Variants in SNTG1 observed in about 807,000 individuals in gnomAD.
The protein encoded by SNTG1 is gamma-1-syntrophin.
SNTG1 carries 39 observed loss-of-function variants against 74.7 expected under a neutral mutation model. That is an observed-to-expected ratio of 0.52 (90% CI 0.40 to 0.68). The LOEUF (loss-of-function observed/expected upper bound fraction) is 0.68, where lower values mean the gene tolerates loss of function less well. SNTG1 is among the 30% of genes least tolerant of loss of function. SNTG1 has a pLI of 0.00. For missense variants in SNTG1, 685 were observed against 609.5 expected (o/e 1.12, Z -1.30); for synonymous variants, 254 against 217.1 (o/e 1.17, Z -1.49).
intron 13 of SNTG1, among the ~76,000 whole-genome samples, chr8:50,643,008 TTA>T (rs1326601250): frequency 6.6e-6 from 1 of 152,126 alleles, no homozygotes; most frequent in African/African-American, 2.4e-5. Context: ...AATGTCACCC[TTA>T]TATGTGGACA....
At chr8:50,127,391 T>C (rs1388051061) in intron 1 of SNTG1, among the ~76,000 whole-genome samples, 2 of 152,158 alleles carry the variant, frequency 1.3e-5, no homozygotes, top group Admixed American at 1.3e-4. Flanking sequence ...GTGCATCAGA[T>C]TTAATCATCT....
At chr8:50,135,137 C>T (rs16914318) in intron 1 of SNTG1, among the ~76,000 whole-genome samples, 7,049 of 152,140 alleles carry the variant, frequency 0.046, 389 homozygotes, top group South Asian at 0.14. Context: ...TCTTTCAAAG[C>T]CCTACCCCCT....
chr8:49,930,511 GTATATA>G (rs956478082), intron 1 of SNTG1, among the ~76,000 whole-genome samples: 1 of 151,136 alleles, frequency 6.6e-6, no homozygotes, highest in Non-Finnish European at 1.5e-5. Context: ...ATATATGTGT[GTATATA>G]TATATGTGTG....
At chr8:50,162,596 A>C (rs1365891158) in intron 1 of SNTG1, among the ~76,000 whole-genome samples, 2 of 151,526 alleles carry the variant, frequency 1.3e-5, no homozygotes, top group African/African-American at 4.9e-5. Context: ...AAGAAAGAAA[A>C]CACCAGTCCC....
intron 1 of SNTG1, among the ~76,000 whole-genome samples, chr8:50,165,432 A>G (rs2082578184): frequency 1.3e-5 from 2 of 152,224 alleles, no homozygotes; most frequent in Non-Finnish European, 2.9e-5. Context: ...GTATCCAAAA[A>G]TTATTTTGTG....
chr8:50,015,908 T>A (rs543443048), intron 1 of SNTG1, among the ~76,000 whole-genome samples: 1 of 152,236 alleles, frequency 6.6e-6, no homozygotes, highest in East Asian at 1.9e-4. Context: ...AAGCAAAACT[T>A]CATAGCCTAA....
upstream of SNTG1, chr8:49,910,054 C>A (rs1038665173): frequency 6.6e-6 from 1 of 152,438 alleles, no homozygotes; most frequent in Non-Finnish European, 1.5e-5. Context: ...GCTTGGAGAG[C>A]GCAATGTCCC....
intron 1 of SNTG1, among the ~76,000 whole-genome samples, chr8:50,158,877 C>G (rs891204403): frequency 2.0e-5 from 3 of 152,082 alleles, no homozygotes; most frequent in African/African-American, 7.2e-5. Flanking sequence ...ATATGGACAC[C>G]TTTAACTTTA....
chr8:50,290,505 A>C (rs1272698966), intron 2 of SNTG1, among the ~76,000 whole-genome samples: 3 of 152,192 alleles, frequency 2.0e-5, no homozygotes, highest in African/African-American at 7.2e-5. Flanking sequence ...GTTTAAGGAA[A>C]GTCCAGTCTT....
chr8:50,649,988 T>G (rs1585957034), intron 13 of SNTG1, among the ~76,000 whole-genome samples: 1 of 151,216 alleles, frequency 6.6e-6, no homozygotes, highest in South Asian at 2.1e-4. Flanking sequence ...TTTAATTTCT[T>G]TTTTTTTTCT....
At chr8:50,153,529 G>T (rs1427194049) in intron 1 of SNTG1, among the ~76,000 whole-genome samples, 2 of 152,094 alleles carry the variant, frequency 1.3e-5, no homozygotes, top group Non-Finnish European at 2.9e-5. Context: ...CCATCTTTGT[G>T]GTTTTATTTA....
At chr8:50,760,003 G>C (rs2095593451) in intron 18 of SNTG1, among the ~76,000 whole-genome samples, 1 of 151,960 alleles carries the variant, frequency 6.6e-6, no homozygotes, top group East Asian at 1.9e-4. Context: ...ATTTGTTTGT[G>C]TCCTCTCTTA....
intron 1 of SNTG1, among the ~76,000 whole-genome samples, chr8:50,001,588 C>T (rs539801480): frequency 1.3e-5 from 2 of 152,104 alleles, no homozygotes; most frequent in African/African-American, 2.4e-5. Context: ...TTCAGAGTTT[C>T]GTGGATTTTC....
At chr8:50,387,036 A>T (rs1216437893) in intron 2 of SNTG1, among the ~76,000 whole-genome samples, 2 of 152,160 alleles carry the variant, frequency 1.3e-5, no homozygotes, top group East Asian at 3.9e-4. Context: ...CTGATCAAAT[A>T]AAAATTTAGT....
intron 1 of SNTG1, among the ~76,000 whole-genome samples, chr8:50,008,246 C>T (rs1815435038): frequency 6.6e-6 from 1 of 152,184 alleles, no homozygotes; most frequent in Admixed American, 6.5e-5. Flanking sequence ...CGGTAGCTGA[C>T]ATCACAAACA....
intron 1 of SNTG1, among the ~76,000 whole-genome samples, chr8:50,035,868 T>C (rs1321224667): frequency 6.6e-6 from 1 of 152,076 alleles, no homozygotes; most frequent in African/African-American, 2.4e-5. Flanking sequence ...GGTTAAGCTC[T>C]CGGACAGATG....
intron 1 of SNTG1, among the ~76,000 whole-genome samples, chr8:50,031,226 T>C (rs528225757): frequency 2.6e-4 from 39 of 151,976 alleles, no homozygotes; most frequent in South Asian, 8.3e-4. Flanking sequence ...GTGATCATTT[T>C]AGGTCCTTAA....
At chr8:50,774,611 T>G (rs940196467) in intron 18 of SNTG1, among the ~76,000 whole-genome samples, 1 of 151,776 alleles carries the variant, frequency 6.6e-6, no homozygotes, top group African/African-American at 2.4e-5. Flanking sequence ...AGATAATAAC[T>G]TGAATACACA....
rs2094257221 is a variant in SNTG1 at position 50,530,398 on chromosome 8, G to T, written c.549+139G>T. On this transcript the variant is annotated intron_variant, in intron 10 of 18. Coordinates refer to ENST00000642720, the MANE Select transcript of SNTG1 (RefSeq NM_018967.5). Reference sequence around the variant, plus strand: ...TTAAGAATTATGATAAACAAGAAATGCAAAATAAATAGATCAGGTTTCTTA... The same window carrying T: ...TTAAGAATTATGATAAACAAGAAATTCAAAATAAATAGATCAGGTTTCTTA... 5.8e-6 allele frequency: 5 copies of T among 858,994 alleles called. No individual in the cohort carries two copies. In the South Asian group the frequency reaches 6.9e-5, roughly 12 times the overall value. The allele number at this position is 858,994 out of a possible 1,614,324, so 53.2% of individuals were successfully genotyped here.
Sources: gnomAD v4.1 joint callset for allele counts (sites outside exome capture counted in the v4.1 genomes callset) on GRCh38, gnomAD v4.1.1 for gene constraint, MANE v1.5 for transcripts, NCBI Gene and HGNC (gene_info 2026-07-23, HGNC 2026-07-21) for gene names.